The following GAS7 variants were observed in gnomAD, a reference collection of about 807,000 sequenced individuals.
The protein encoded by GAS7 is growth arrest specific 7.
Under a neutral mutation model 71.1 loss-of-function variants are expected in GAS7, and 28 were observed. The ratio of observed to expected loss-of-function variants is 0.39; its 90% CI spans 0.29 to 0.54. The LOEUF (loss-of-function observed/expected upper bound fraction) is 0.54, where lower values mean the gene tolerates loss of function less well. Among genes scored for constraint, GAS7 ranks in the 20% least tolerant of loss-of-function variants. GAS7 has a pLI of 0.62. For synonymous variants in GAS7, 258 were observed against 245.8 expected (o/e 1.05, Z -0.46); for missense variants, 436 against 627.8 (o/e 0.69, Z 3.27).
At chr17:10,136,753 C>G (rs1477365917) in intron 1 of GAS7, among the ~76,000 whole-genome samples, 1 of 152,124 alleles carries the variant, frequency 6.6e-6, no homozygotes, top group Non-Finnish European at 1.5e-5. Flanking sequence ...CCAAAGGCTT[C>G]CCTTCACGCT....
intron 1 of GAS7, among the ~76,000 whole-genome samples, chr17:10,137,370 C>T (rs1424287114): frequency 2.0e-5 from 3 of 151,500 alleles, no homozygotes; most frequent in African/African-American, 7.3e-5. Flanking sequence ...GCCCCCCTCA[C>T]CCTCACCCCT....
chr17:9,951,440 G>T (rs1043453536), intron 5 of GAS7, among the ~76,000 whole-genome samples: 1 of 151,522 alleles, frequency 6.6e-6, no homozygotes, highest in African/African-American at 2.4e-5. Context: ...CCCTCTTGTC[G>T]GGGAAACACT....
chr17:10,154,011 G>A (rs540211290), intron 1 of GAS7, among the ~76,000 whole-genome samples: 3 of 152,252 alleles, frequency 2.0e-5, no homozygotes, highest in South Asian at 2.1e-4. Flanking sequence ...CCAGGAGTTT[G>A]AGGTAATAAA....
Position 10,019,802 on chromosome 17 carries a change from C to T in GAS7, c.279G>A (p.Arg93=). The T allele has an allele frequency of 1.2e-6, 2 of 1,614,004 alleles. No homozygotes were observed. Among genetic ancestry groups the T allele is most frequent in the South Asian group, 1.1e-5 (1 of 91,064 alleles). Residue 93 remains arginine (R), a synonymous_variant, in exon 2 of 14, where the codon CGG becomes CGA. Coordinates refer to ENST00000432992, the MANE Select transcript of GAS7 (RefSeq NM_201433.2). The part of the protein sequence containing the change: ...WQSYLSPQGR[R]YYVNTTTNET... ...CATTGGTGGTCGTGTTGACATAGTA[C>T]CGCCGGCCCTGAGGCGACAGGTAGC...
chr17:9,943,461 A>G (rs1179160180), intron 6 of GAS7, among the ~76,000 whole-genome samples: 2 of 152,106 alleles, frequency 1.3e-5, no homozygotes, highest in African/African-American at 4.8e-5. Context: ...GCATCCCCAC[A>G]TCCAAGCCCC....
At chr17:9,996,595 G>A (rs113560152) in intron 2 of GAS7, among the ~76,000 whole-genome samples, 23 of 56,142 alleles carry the variant, frequency 4.1e-4, no homozygotes, top group South Asian at 1.8e-3. Flanking sequence ...ATATATATAT[G>A]TGTGTGTGTG....
chr17:9,943,072 G>C, intron 7 of GAS7, 49 bp downstream of exon 7: 2 of 1,257,128 alleles, frequency 1.6e-6, no homozygotes, highest in Non-Finnish European at 2.3e-6. Context: ...ACGGGGCCCC[G>C]GGGAACACTG....
intron 1 of GAS7, among the ~76,000 whole-genome samples, chr17:10,153,619 T>G (rs1404618126): frequency 1.3e-5 from 2 of 152,182 alleles, no homozygotes; most frequent in Non-Finnish European, 2.9e-5. Flanking sequence ...AATAATAATG[T>G]TTTTTAAATT....
chr17:10,093,226 T>C (rs2073603154), intron 1 of GAS7, among the ~76,000 whole-genome samples: 1 of 152,222 alleles, frequency 6.6e-6, no homozygotes, highest in Admixed American at 6.5e-5. Context: ...AGGAAGCTGT[T>C]GCTTCTATGA....
At chr17:10,160,169 G>A (rs1181246989) in intron 1 of GAS7, among the ~76,000 whole-genome samples, 2 of 152,164 alleles carry the variant, frequency 1.3e-5, no homozygotes, top group African/African-American at 2.4e-5. Context: ...GCCTCCCAAG[G>A]TGCTGGGATT....
chr17:10,090,754 G>A (rs771450648), intron 1 of GAS7, among the ~76,000 whole-genome samples: 4 of 152,104 alleles, frequency 2.6e-5, no homozygotes, highest in Admixed American at 1.3e-4. Context: ...TCAGTTTTTG[G>A]ATGAGGACGT....
At position 10,023,538 on chromosome 17, in the gene GAS7, A is replaced by C. The variant is rs551304333; in HGVS notation, c.184-3641T>G. 3.3e-5 allele frequency among the ~76,000 whole-genome samples: 5 copies of C among 152,390 alleles called. No individual in the cohort carries two copies. In the East Asian group the frequency reaches 9.6e-4, roughly 29 times the overall value. ...AAAATGGAGCCGTGATACATGCTAC[A>C]ACATGGATAAACCTTGAATACATTA... On this transcript the variant is annotated intron_variant, in intron 1 of 13. Transcript: ENST00000432992.
At chr17:9,945,215 G>A (rs1391253291) in intron 6 of GAS7, among the ~76,000 whole-genome samples, 1 of 151,826 alleles carries the variant, frequency 6.6e-6, no homozygotes, top group Non-Finnish European at 1.5e-5. Context: ...CCAAACCCAG[G>A]TACATCTCTC....
At chr17:10,152,640 C>T (rs145994601) in intron 1 of GAS7, among the ~76,000 whole-genome samples, 5 of 152,282 alleles carry the variant, frequency 3.3e-5, no homozygotes, top group East Asian at 1.9e-4. Flanking sequence ...TTAAACATGA[C>T]GGTGGAGAGC....
chr17:10,153,694 A>G (rs1287786047), intron 1 of GAS7, among the ~76,000 whole-genome samples: 1 of 152,168 alleles, frequency 6.6e-6, no homozygotes, highest in African/African-American at 2.4e-5. Context: ...ATTTTATGAA[A>G]TAAGTCCCAC....
At chr17:10,177,536 CTG>C (rs2074382210) in intron 1 of GAS7, among the ~76,000 whole-genome samples, 3 of 152,124 alleles carry the variant, frequency 2.0e-5, no homozygotes, top group African/African-American at 7.2e-5. Flanking sequence ...TTAATGGAGA[CTG>C]TGTCTGCTCC....
At chr17:10,046,004 A>G (rs1299715744) in intron 1 of GAS7, among the ~76,000 whole-genome samples, 2 of 152,318 alleles carry the variant, frequency 1.3e-5, no homozygotes, top group Non-Finnish European at 2.9e-5. Context: ...TAACTTTAAA[A>G]CTGTCATCTC....
chr17:10,004,020 C>T (rs78876727), intron 2 of GAS7, among the ~76,000 whole-genome samples: 1,577 of 152,310 alleles, frequency 0.01, 36 homozygotes, highest in East Asian at 0.08. Flanking sequence ...GTCTCAAACA[C>T]TGGTGGGTGA....
At chr17:10,038,693 GA>G (rs2072804853) in intron 1 of GAS7, among the ~76,000 whole-genome samples, 1 of 139,838 alleles carries the variant, frequency 7.2e-6, no homozygotes, top group Non-Finnish European at 1.5e-5. Context: ...AAGAAGGAAG[GA>G]ATTTTTTTTT....
Sources: allele counts gnomAD v4.1 joint callset (sites outside exome capture counted in the v4.1 genomes callset), GRCh38; gene constraint gnomAD v4.1.1; transcripts MANE v1.5; gene names NCBI Gene and HGNC (gene_info 2026-07-23, HGNC 2026-07-21).